RUSC2: variants seen among roughly 807,000 people sequenced by gnomAD.
The protein encoded by RUSC2 is AP-4 complex accessory subunit RUSC2.
In RUSC2, 34 loss-of-function variants were observed where a neutral mutation model predicts 122.2. That is an observed-to-expected ratio of 0.28 (90% CI 0.21 to 0.37). RUSC2 has a LOEUF of 0.37. Ranked by LOEUF, RUSC2 falls within the 10% of genes least tolerant of loss-of-function variation. The probability of loss-of-function intolerance (pLI) is 1.00; values close to 1 mark genes in which losing one functional copy is unlikely to be tolerated. For missense variants in RUSC2, 1,747 were observed against 1,952.4 expected, an observed-to-expected ratio of 0.89 and a Z score of 1.98; for synonymous variants, 784 against 790.0, an observed-to-expected ratio of 0.99 and a Z score of 0.13.
Position 35,556,552 on chromosome 9 carries a change from C to CTCTAAGTGCTGGCTGGGCCG in RUSC2, c.2983+104_2983+105insTCTAAGTGCTGGCTGGGCCG, listed in dbSNP as rs56239949. 3.0e-6 allele frequency: 4 copies of CTCTAAGTGCTGGCTGGGCCG among 1,338,302 alleles called. No homozygotes were observed. In the African/African-American group the frequency reaches 5.8e-5, roughly 19 times the overall value. The allele number at this position is 1,338,302 out of a possible 1,614,324, so 82.9% of individuals were successfully genotyped here. A position where few individuals can be genotyped will look rare whatever the true frequency, so the allele number is the denominator to read the frequency against. On this transcript the variant is annotated intron_variant, in intron 5 of 11. Coordinates refer to ENST00000361226, the MANE Select transcript of RUSC2 (RefSeq NM_014806.5). ...GAAACCTCTAAGTGCTGGCTGGGCC[C>CTCTAAGTGCTGGCTGGGCCG]AGTGGCTCACGCCTGTAATCCCAGC...
At chr9:35,496,779 T>C (rs1820723148) in intron 1 of RUSC2, among the ~76,000 whole-genome samples, 1 of 152,140 alleles carries the variant, frequency 6.6e-6, no homozygotes, top group Non-Finnish European at 1.5e-5. Context: ...GGATATACTA[T>C]AGTAAAACAA....
At chr9:35,520,185 A>G (rs887689961) in intron 1 of RUSC2, among the ~76,000 whole-genome samples, 3 of 152,182 alleles carry the variant, frequency 2.0e-5, no homozygotes, top group African/African-American at 7.2e-5. Context: ...TGGACTCCAG[A>G]GACTAGCAGG....
At chr9:35,529,087 T>C (rs905236688) in intron 1 of RUSC2, among the ~76,000 whole-genome samples, 2 of 152,220 alleles carry the variant, frequency 1.3e-5, no homozygotes, top group East Asian at 3.8e-4. Flanking sequence ...CATTTTTCCA[T>C]TGGATATTTA....
At chr9:35,550,899 C>A (rs530199899) in intron 2 of RUSC2, among the ~76,000 whole-genome samples, 3 of 151,774 alleles carry the variant, frequency 2.0e-5, no homozygotes, top group African/African-American at 7.3e-5. Context: ...ATGGTGAAAC[C>A]CCATCTCTAC....
At chr9:35,533,817 A>G (rs573250613) in intron 1 of RUSC2, among the ~76,000 whole-genome samples, 5 of 152,358 alleles carry the variant, frequency 3.3e-5, no homozygotes, top group African/African-American at 9.6e-5. Flanking sequence ...TTATTGCTCA[A>G]TAATAATTCA....
rs775534305 is a variant in RUSC2, at chr9:35,559,285, A to G, written c.3388+13A>G. On this transcript the variant is annotated intron_variant, in intron 9 of 11. Transcript: ENST00000361226. ...TATAACCACGAAGGTAATGCCTAGA[A>G]CCCTGCAGGTCAAACTCAATGGGTC... The G allele has an allele frequency of 5.6e-6, 9 of 1,608,386 alleles. No individual in the cohort carries two copies. Among genetic ancestry groups the G allele is most frequent in the Non-Finnish European group, 7.7e-6 (9 of 1,174,826 alleles).
At chr9:35,549,852 A>G (rs372480527) in intron 2 of RUSC2, among the ~76,000 whole-genome samples, 15 of 152,262 alleles carry the variant, frequency 9.9e-5, no homozygotes, top group African/African-American at 3.6e-4. Flanking sequence ...TGTCTGCTTA[A>G]TTATATGTTT....
In RUSC2 at chr9:35,547,842, C is replaced by G. The variant is rs1474105993; in HGVS notation, c.1321C>G (p.Gln441Glu). The change falls in exon 2 of 12, where the codon CAG (glutamine) becomes GAG (glutamate). Residue 441 changes from glutamine (Q) to glutamate (E), a missense_variant. Coordinates refer to ENST00000361226, the MANE Select transcript of RUSC2 (RefSeq NM_014806.5). This position sits in a 1 kb window ranked among gnomAD's most constrained non-coding sequence, Gnocchi z 4.6. ...PGPGPDPGPS[Q>E]PSEYYLFQKP... ...CCCTGGCCCAGACCCAGGCCCCAGC[C>G]AGCCCTCTGAGTATTACCTATTCCA... The G allele has an allele frequency of 6.2e-7, 1 of 1,614,058 alleles. No individual in the cohort carries two copies. Among genetic ancestry groups the G allele is most frequent in the East Asian group, 2.2e-5 (1 of 44,886 alleles).
intron 2 of RUSC2, chr9:35,549,220 GT>G: frequency 1.0e-6 from 1 of 985,220 alleles, no homozygotes; most frequent in Non-Finnish European, 1.2e-6. Context: ...ACCTTTAGGA[GT>G]TTGCAGTGCC....
intron 5 of RUSC2, among the ~76,000 whole-genome samples, chr9:35,556,785 C>T (rs1276227766): frequency 6.6e-6 from 1 of 152,192 alleles, no homozygotes; most frequent in Admixed American, 6.5e-5. Context: ...CAAGATCACA[C>T]CATTGCACTC....
At position 35,559,209 on chromosome 9, in the gene RUSC2, C is replaced by T; in HGVS notation, c.3342-17C>T. On this transcript the variant is annotated splice_polypyrimidine_tract_variant and intron_variant, in intron 8 of 11. Coordinates refer to ENST00000361226, the MANE Select transcript of RUSC2 (RefSeq NM_014806.5). ...TATTCACACAAGACTCAACTCTCTT[C>T]ACCTGTCTCCCTACAGCATCCGGTC... 1 of 1,607,644 alleles carries T rather than the reference C, an allele frequency of 6.2e-7. No individual in the cohort carries two copies. The highest frequency in any genetic ancestry group is 8.5e-7 in the Non-Finnish European group (1 of 1,174,082).
At position 35,555,976 on chromosome 9, in the gene RUSC2, T is replaced by G. The variant is rs980130295; in HGVS notation, c.2681T>G (p.Leu894Arg). The G allele has an allele frequency of 6.2e-7, 1 of 1,614,140 alleles. No individual in the cohort carries two copies. ...SNANHLSPQALKWREYRRKNP... is the reference protein window; with the variant it reads ...SNANHLSPQARKWREYRRKNP... ...GCCAACCACCTATCCCCTCAAGCCC[T>G]CAAGTGGCGGGAATACAGGAGGAAG... is the stretch of plus-strand genomic sequence containing the variant. Residue 894 changes from leucine to arginine, a missense_variant, in exon 4 of 12, where the codon CTC becomes CGC. Coordinates refer to ENST00000361226, the MANE Select transcript of RUSC2 (RefSeq NM_014806.5). This position sits in a 1 kb window ranked among gnomAD's most constrained non-coding sequence, Gnocchi z 4.6.
At chr9:35,551,166 A>C (rs1291971574) in intron 2 of RUSC2, among the ~76,000 whole-genome samples, 1 of 152,194 alleles carries the variant, frequency 6.6e-6, no homozygotes, top group Non-Finnish European at 1.5e-5. Context: ...AAGAGAAATC[A>C]CCTAAGATAA....
intron 1 of RUSC2, among the ~76,000 whole-genome samples, chr9:35,528,161 G>A (rs992809906): frequency 5.3e-5 from 8 of 152,162 alleles, no homozygotes; most frequent in African/African-American, 1.4e-4. Flanking sequence ...TGAGGCAGGA[G>A]GATTCCTTGA....
In RUSC2 at chr9:35,561,829, C is replaced by T. The variant is rs117264391; in HGVS notation, c.*447C>T. The stretch of plus-strand genomic sequence containing the variant: ...TCAGAAGAGGGAGGAGGAGCCCAGG[C>T]GTCTGTTTATGTATTTATTTATTTA... On this transcript the variant is annotated 3_prime_UTR_variant, in exon 12 of 12. Coordinates refer to ENST00000361226, the MANE Select transcript of RUSC2 (RefSeq NM_014806.5). 1.0e-4 allele frequency: 60 copies of T among 598,050 alleles called. 1 individual carries two copies. The highest frequency in any genetic ancestry group is 1.5e-4 in the South Asian group (7 of 46,122). 37.0% of individuals were successfully genotyped at this position (598,050 alleles called of 1,614,324 possible).
At chr9:35,492,528 C>T (rs1433391915) in intron 1 of RUSC2, among the ~76,000 whole-genome samples, 2 of 151,508 alleles carry the variant, frequency 1.3e-5, no homozygotes, top group African/African-American at 4.9e-5. Flanking sequence ...CAAATGAGTC[C>T]GTCATACGAA....
chr9:35,502,201 C>T (rs907661481), intron 1 of RUSC2, among the ~76,000 whole-genome samples: 2 of 152,136 alleles, frequency 1.3e-5, no homozygotes, highest in Non-Finnish European at 2.9e-5. Context: ...ATCTGCAGAC[C>T]ACACTTTGAG....
intron 2 of RUSC2, 70 bp from the exon 3 acceptor site, chr9:35,554,989 TG>T: frequency 6.4e-7 from 1 of 1,573,760 alleles, no homozygotes; most frequent in Non-Finnish European, 8.6e-7. Context: ...CTCCCATCTC[TG>T]CTTCTGGGTT....
chr9:35,514,044 C>T (rs1183031496), intron 1 of RUSC2, among the ~76,000 whole-genome samples: 1 of 151,336 alleles, frequency 6.6e-6, no homozygotes, highest in Admixed American at 6.6e-5. Context: ...CTTGGCTGCT[C>T]TCTTGAAAAT....
Sources: gnomAD v4.1 joint callset for allele counts (sites outside exome capture counted in the v4.1 genomes callset) on GRCh38, gnomAD v4.1.1 for gene constraint, Gnocchi (gnomAD v3.1) non-coding constraint, MANE v1.5 for transcripts, NCBI Gene and HGNC (gene_info 2026-07-23, HGNC 2026-07-21) for gene names.